Variants in VANGL2 observed in about 807,000 individuals in gnomAD.
The protein encoded by VANGL2 is VANGL planar cell polarity protein 2.
Under a neutral mutation model 50.2 loss-of-function variants are expected in VANGL2, and 14 were observed. The ratio of observed to expected loss-of-function variants is 0.28; its 90% confidence interval spans 0.18 to 0.44. The LOEUF (loss-of-function observed/expected upper bound fraction) is 0.44, where lower values mean the gene tolerates loss of function less well. Ranked by LOEUF, VANGL2 falls within the 20% of genes least tolerant of loss-of-function variation. VANGL2 has a pLI of 1.00. For missense variants in VANGL2, 533 were observed against 701.5 expected, an observed-to-expected ratio of 0.76 and a Z score of 2.71; for synonymous variants, 295 against 297.2, an observed-to-expected ratio of 0.99 and a Z score of 0.08.
At chr1:160,412,240 T>G (rs1650905114) in intron 1 of VANGL2, among the ~76,000 whole-genome samples, 1 of 152,086 alleles carries the variant, frequency 6.6e-6, no homozygotes, top group African/African-American at 2.4e-5. Context: ...TTCTGGCTGT[T>G]GGCTTTGGCA....
intron 1 of VANGL2, among the ~76,000 whole-genome samples, chr1:160,405,873 C>G (rs1011092735): frequency 6.6e-6 from 1 of 152,118 alleles, no homozygotes; most frequent in Non-Finnish European, 1.5e-5. Flanking sequence ...CAGGCAGTAC[C>G]TGGATGTGGT....
chr1:160,406,546 C>T (rs890206812), intron 1 of VANGL2, among the ~76,000 whole-genome samples: 7 of 152,118 alleles, frequency 4.6e-5, no homozygotes, highest in Admixed American at 4.6e-4. Flanking sequence ...TGACTGTAGG[C>T]TCCGGCCACC....
intron 3 of VANGL2, among the ~76,000 whole-genome samples, chr1:160,416,533 T>C (rs1557909314): frequency 1.3e-5 from 2 of 151,936 alleles, no homozygotes; most frequent in Non-Finnish European, 2.9e-5. Context: ...TGGCTGGGCC[T>C]GGGGTATGTG....
chr1:160,412,361 A>G (rs557013042), intron 1 of VANGL2, among the ~76,000 whole-genome samples: 4 of 152,016 alleles, frequency 2.6e-5, no homozygotes, highest in Admixed American at 6.6e-5. Context: ...CTCTACCCCC[A>G]TGTCACTCTG....
At chr1:160,411,039 C>G (rs549237151) in intron 1 of VANGL2, among the ~76,000 whole-genome samples, 3 of 152,144 alleles carry the variant, frequency 2.0e-5, no homozygotes, top group African/African-American at 2.4e-5. Context: ...AAGCTCCCCC[C>G]CAATCCCCTT....
rs1557913057 is a variant in VANGL2, at chr1:160,424,168, C to T, written c.1190C>T (p.Ser397Phe). Residue 397 changes from serine (S) to phenylalanine (F), a missense_variant, in exon 7 of 8, where the codon TCC becomes TTC. By Grantham distance (155) the Ser-to-Phe change is radical. Transcript: ENST00000368061. ...PREAAQAIFASMARAMQKYLR... is the reference protein window; with the variant it reads ...PREAAQAIFAFMARAMQKYLR... Reference sequence around the variant, plus strand: ...GAGGCAGCCCAAGCCATCTTTGCATCCATGGCCCGTGCCATGCAGAAGTAC... The same window carrying T: ...GAGGCAGCCCAAGCCATCTTTGCATTCATGGCCCGTGCCATGCAGAAGTAC... The T allele has an allele frequency of 3.1e-6, 5 of 1,614,222 alleles. No homozygotes were observed. Among genetic ancestry groups the T allele is most frequent in the Non-Finnish European group, 4.2e-6 (5 of 1,180,046 alleles).
At chr1:160,423,515 T>A (rs1651338633) in intron 6 of VANGL2, among the ~76,000 whole-genome samples, 1 of 152,234 alleles carries the variant, frequency 6.6e-6, no homozygotes, top group Non-Finnish European at 1.5e-5. Flanking sequence ...TCACCTCCTT[T>A]GCCCTTTTTT....
At chr1:160,418,865 C>T (rs936910248) in intron 3 of VANGL2, 137 bp from the exon 4 acceptor site, 12 of 1,112,292 alleles carry the variant, frequency 1.1e-5, no homozygotes, top group Middle Eastern at 2.1e-4. Flanking sequence ...TGTTGATTAC[C>T]CTCTCTTCTT....
chr1:160,417,908 ATT>A (rs4017836), intron 3 of VANGL2, among the ~76,000 whole-genome samples: 3,238 of 130,100 alleles, frequency 0.025, 96 homozygotes, highest in African/African-American at 0.082. Context: ...GACTTCCATA[ATT>A]TTTTTTTTTT....
chr1:160,407,726 C>T (rs1571236569), intron 1 of VANGL2, among the ~76,000 whole-genome samples: 1 of 152,232 alleles, frequency 6.6e-6, no homozygotes, highest in Middle Eastern at 3.4e-3. Context: ...GCACAACTCA[C>T]CCACCTCCCA....
rs372035115 is a variant in VANGL2 at position 160,414,697 on chromosome 1, C to T, written c.-190-951C>T. On this transcript the variant is annotated intron_variant, in intron 1 of 7. Transcript: ENST00000368061. ...GAAGGTGCTCAAACAAGATTTGATG[C>T]GTCAATGACTGAAGATAGGAAGTAA... Among the ~76,000 whole-genome samples, 11 of 151,728 alleles carry T rather than the reference C, an allele frequency of 7.2e-5. No homozygotes were observed. In the South Asian group the frequency reaches 1.9e-3, roughly 26 times the overall value.
intron 1 of VANGL2, among the ~76,000 whole-genome samples, chr1:160,413,371 C>G (rs903014159): frequency 4.0e-4 from 61 of 151,466 alleles, no homozygotes; most frequent in African/African-American, 1.4e-3. Flanking sequence ...ACCTCCACCT[C>G]CCAGGTTCAA....
At chr1:160,409,190 AGT>A (rs1650791190) in intron 1 of VANGL2, among the ~76,000 whole-genome samples, 1 of 152,190 alleles carries the variant, frequency 6.6e-6, no homozygotes, top group South Asian at 2.1e-4. Context: ...TGTCCAGAGC[AGT>A]CTCATGGAGA....
At chr1:160,421,740 TG>T (rs1404472339) in intron 6 of VANGL2, among the ~76,000 whole-genome samples, 1 of 152,116 alleles carries the variant, frequency 6.6e-6, no homozygotes, top group Non-Finnish European at 1.5e-5. Context: ...GATGGGAGTC[TG>T]GTAGAAGTGG....
intron 3 of VANGL2, 78 bp downstream of exon 3, chr1:160,416,260 G>A: frequency 1.2e-6 from 2 of 1,608,296 alleles, no homozygotes; most frequent in Admixed American, 1.7e-5. Context: ...CACGGAGTGG[G>A]GGAGGGCTTG....
At chr1:160,414,698 G>A (rs558700882) in intron 1 of VANGL2, among the ~76,000 whole-genome samples, 1 of 151,998 alleles carries the variant, frequency 6.6e-6, no homozygotes, top group Non-Finnish European at 1.5e-5. Flanking sequence ...GATTTGATGC[G>A]TCAATGACTG....
At position 160,415,843 on chromosome 1, in the gene VANGL2, C is replaced by T; in HGVS notation, c.6C>T (p.Asp2=). 1.9e-6 allele frequency: 3 copies of T among 1,613,476 alleles called. No homozygotes were observed. Among genetic ancestry groups the T allele is most frequent in the Non-Finnish European group, 2.5e-6 (3 of 1,179,842 alleles). Residue 2 remains aspartate (D), a synonymous_variant, in exon 2 of 8, where the codon GAC becomes GAT. Transcript: ENST00000368061. M[D]TESQYSGYSY... ...AGGCGCGGCGTTCAGACGCCATGGA[C>T]ACCGAGTCCCAGTACTCGGGCTATT...
In VANGL2 at chr1:160,428,617, G is replaced by A. The variant is rs1651561847; in HGVS notation, c.*3239G>A. 1 of 152,348 alleles carries A rather than the reference G, an allele frequency of 6.6e-6. No individual in the cohort carries two copies. Among genetic ancestry groups the A allele is most frequent in the African/African-American group, 2.4e-5 (1 of 41,338 alleles). The allele number at this position is 152,348 out of a possible 1,614,324, so 9.4% of individuals were successfully genotyped here. On this transcript the variant is annotated 3_prime_UTR_variant, in exon 8 of 8. Transcript: ENST00000368061. Reference sequence around the variant, plus strand: ...TTTTAGGATTTTTTTCTTAAACATAGGAACTAAAACTGTACAAATTTTTTT... The same window carrying A: ...TTTTAGGATTTTTTTCTTAAACATAAGAACTAAAACTGTACAAATTTTTTT...
chr1:160,414,568 G>A (rs914618491), intron 1 of VANGL2, among the ~76,000 whole-genome samples: 7 of 152,106 alleles, frequency 4.6e-5, no homozygotes, highest in African/African-American at 7.2e-5. Context: ...GCAATCGGTC[G>A]TTTATACTTA....
Sources: allele counts gnomAD v4.1 joint callset (sites outside exome capture counted in the v4.1 genomes callset), GRCh38; gene constraint gnomAD v4.1.1; transcripts MANE v1.5; gene names NCBI Gene and HGNC (gene_info 2026-07-23, HGNC 2026-07-21).